Variants in ZNF521 observed in about 807,000 individuals in gnomAD.
The protein encoded by ZNF521 is zinc finger protein 521.
Under a neutral mutation model 105.5 loss-of-function variants are expected in ZNF521, and 14 were observed. The observed-to-expected ratio is 0.13, with a 90% CI of 0.09 to 0.21. The LOEUF is 0.21. Among genes scored for constraint, ZNF521 ranks in the 10% least tolerant of loss-of-function variants. ZNF521 has a pLI of 1.00. For synonymous variants in ZNF521, 635 were observed against 606.0 expected (o/e 1.05, Z -0.70); for missense variants, 1,233 against 1,629.7 (o/e 0.76, Z 4.19).
At chr18:25,116,009 G>T (rs189549519) in intron 5 of ZNF521, among the ~76,000 whole-genome samples, 1 of 152,320 alleles carries the variant, frequency 6.6e-6, no homozygotes, top group Non-Finnish European at 1.5e-5. Flanking sequence ...GTGGTAAAAA[G>T]ACCAAATATT....
rs138163264 is a variant in ZNF521, at chr18:25,114,531, G to T, written c.3659-22450C>A. Among the ~76,000 whole-genome samples, 97 of 152,256 alleles carry T rather than the reference G, an allele frequency of 6.4e-4. No homozygotes were observed. The East Asian group carries it at 0.015, about 23-fold the overall frequency. On this transcript the variant is annotated intron_variant, in intron 5 of 7. Coordinates refer to ENST00000361524, the MANE Select transcript of ZNF521 (RefSeq NM_015461.3). ...GATGATGGAGAGAATAGCATAGTGG[G>T]CAGGATAAATAAGTATTTCACTCAG...
At chr18:25,334,071 AC>A (rs1282214847) in intron 2 of ZNF521, among the ~76,000 whole-genome samples, 3 of 152,078 alleles carry the variant, frequency 2.0e-5, no homozygotes, top group African/African-American at 7.2e-5. Flanking sequence ...ACACTCCAGC[AC>A]CCCCTTGCCA....
intron 7 of ZNF521, among the ~76,000 whole-genome samples, chr18:25,073,229 A>T (rs1034913757): frequency 5.3e-5 from 8 of 152,212 alleles, no homozygotes; most frequent in African/African-American, 1.4e-4. Flanking sequence ...ATTAGCAGCA[A>T]ATAATGGAAG....
At chr18:25,110,442 C>CAAAAAAAAAAAAAAAAAA (rs372395726) in intron 5 of ZNF521, among the ~76,000 whole-genome samples, 1 of 148,884 alleles carries the variant, frequency 6.7e-6, no homozygotes, top group Non-Finnish European at 1.5e-5. Context: ...GGCAGGAGAC[C>CAAAAAAAAAAAAAAAAAA]AAAAAAGAAA....
At chr18:25,267,679 C>G (rs892915674) in intron 3 of ZNF521, among the ~76,000 whole-genome samples, 1 of 152,144 alleles carries the variant, frequency 6.6e-6, no homozygotes, top group Non-Finnish European at 1.5e-5. Flanking sequence ...AGAGCTGCAG[C>G]AGAGGGGCCT....
intron 5 of ZNF521, among the ~76,000 whole-genome samples, chr18:25,182,794 A>G (rs2035655119): frequency 6.6e-6 from 1 of 152,210 alleles, no homozygotes; most frequent in Non-Finnish European, 1.5e-5. Flanking sequence ...TCTAGCAAAC[A>G]GGCTTCTAGA....
chr18:25,225,598 T>C lies in ZNF521; in HGVS notation c.2320A>G (p.Asn774Asp). The change falls in exon 4 of 8, where the codon AAC (asparagine) becomes GAC (aspartate). Residue 774 changes from asparagine to aspartate, a missense_variant. Physicochemically the swap from Asn to Asp is conservative, Grantham distance 23 (BLOSUM62 1). Coordinates refer to ENST00000361524, the MANE Select transcript of ZNF521 (RefSeq NM_015461.3). The surrounding 1 kb of genome is among the most constrained non-coding windows in gnomAD (Gnocchi z 5.6). ...ETDLQLHVKH[N>D]HLENQGKVHK... is the part of the protein sequence containing the mutation. The stretch of plus-strand genomic sequence containing the variant: ...ACTTTCCCTTGGTTTTCCAGGTGGT[T>C]GTGTTTCACATGGAGCTGCAAGTCA... 6.2e-7 allele frequency: 1 copy of C among 1,614,158 alleles called. No homozygotes were observed. The highest frequency in any genetic ancestry group is 8.5e-7 in the Non-Finnish European group (1 of 1,180,020).
intron 3 of ZNF521, among the ~76,000 whole-genome samples, chr18:25,287,051 T>C (rs574476537): frequency 6.6e-6 from 1 of 152,206 alleles, no homozygotes; most frequent in African/African-American, 2.4e-5. Flanking sequence ...CCATTTTTCT[T>C]ATCTAGCTTA....
intron 4 of ZNF521, chr18:25,201,732 C>T (rs748331930): frequency 4.6e-5 from 7 of 152,112 alleles, no homozygotes; most frequent in Non-Finnish European, 1.0e-4. Flanking sequence ...AGTACTCATT[C>T]CAAATATATC....
rs1192271806 is a variant in ZNF521 at position 25,225,160 on chromosome 18, T to G, written c.2758A>C (p.Lys920Gln). ...CCTTTAATGAGCTCAGCTTTCTTTT[T>G]CACGATGGCACTTTCTCCAGGTCTG... is the stretch of plus-strand genomic sequence containing the variant. ...NIRPGESAIV[K>Q]KKAELIKGNY... The change falls in exon 4 of 8, where the codon AAA becomes CAA. Residue 920 changes from lysine (K) to glutamine (Q), a missense_variant. Lys to Gln is a moderately conservative substitution (Grantham distance 53). Coordinates refer to ENST00000361524, the MANE Select transcript of ZNF521 (RefSeq NM_015461.3). The surrounding 1 kb of genome is among the most constrained non-coding windows in gnomAD (Gnocchi z 5.6). 6.2e-7 allele frequency: 1 copy of G among 1,614,034 alleles called. No homozygotes were observed. Among genetic ancestry groups the G allele is most frequent in the Non-Finnish European group, 8.5e-7 (1 of 1,180,028 alleles).
chr18:25,120,163 T>G (rs1303683248), intron 5 of ZNF521, among the ~76,000 whole-genome samples: 1 of 152,240 alleles, frequency 6.6e-6, no homozygotes, highest in Admixed American at 6.5e-5. Flanking sequence ...CCAGATCAGA[T>G]GGTTTCATTG....
rs774994617 is a variant in ZNF521 at position 25,227,032 on chromosome 18, G to C, written c.886C>G (p.Leu296Val). 3 of 1,614,152 alleles carry C rather than the reference G, an allele frequency of 1.9e-6. No homozygotes were observed. Among genetic ancestry groups the C allele is most frequent in the South Asian group, 2.2e-5 (2 of 91,074 alleles). ...TGCACCTGCTCCATGTGGTTCATGA[G>C]GGAGGTCTCCTCTACGAAGAGCTCG... is the stretch of plus-strand genomic sequence containing the variant. ...CHELFVEETS[L>V]MNHMEQVHSG... The change falls in exon 4 of 8, where the codon CTC becomes GTC. Residue 296 changes from leucine (L) to valine (V), a missense_variant. Around this residue, in one of 6 missense-constraint regions of ZNF521, gnomAD observed 380 missense variants for 478.0 expected, o/e 0.80. Coordinates refer to ENST00000361524, the MANE Select transcript of ZNF521 (RefSeq NM_015461.3). This position sits in a 1 kb window ranked among gnomAD's most constrained non-coding sequence, Gnocchi z 5.7.
rs2032917362 is a variant in ZNF521, at chr18:25,062,321, A to G, written c.*391T>C. On this transcript the variant is annotated 3_prime_UTR_variant, in exon 8 of 8. Transcript: ENST00000361524. ...TACCTAAAGAGAAATTCTAGGCTTAAGTGTAAAGAAAAGGAAGTCCAACCA... is the reference window on the plus strand; with the variant it reads ...TACCTAAAGAGAAATTCTAGGCTTAGGTGTAAAGAAAAGGAAGTCCAACCA... 3 of 244,106 alleles carry G rather than the reference A, an allele frequency of 1.2e-5. No individual in the cohort carries two copies. The highest frequency in any genetic ancestry group is 2.2e-5 in the African/African-American group (1 of 45,062). 15.1% of individuals were successfully genotyped at this position (244,106 alleles called of 1,614,324 possible).
chr18:25,225,250 T>C lies in ZNF521; in HGVS notation c.2668A>G (p.Ile890Val), dbSNP rs1906034945. 20 of 1,614,144 alleles carry C rather than the reference T, an allele frequency of 1.2e-5. No homozygotes were observed. Among genetic ancestry groups the C allele is most frequent in the Non-Finnish European group, 1.7e-5 (20 of 1,180,030 alleles). Residue 890 changes from isoleucine to valine, a missense_variant, in exon 4 of 8, where the codon ATT (isoleucine) becomes GTT (valine). Around this residue, in one of 6 missense-constraint regions of ZNF521, gnomAD observed 614 missense variants for 751.5 expected, o/e 0.82. Transcript: ENST00000361524. The surrounding 1 kb of genome is among the most constrained non-coding windows in gnomAD (Gnocchi z 5.6). Reference protein sequence around the residue: ...DTSEPMYGCDICGAAYTMETL... With the variant: ...DTSEPMYGCDVCGAAYTMETL... ...TCCATAGTGTAGGCTGCCCCACAAA[T>C]GTCGCAGCCGTACATAGGCTCAGAG...
At chr18:25,200,997 T>C (rs1019820638) in intron 4 of ZNF521, 6 of 151,176 alleles carry the variant, frequency 4.0e-5, no homozygotes, top group Non-Finnish European at 8.8e-5. Flanking sequence ...GTTTGATTCA[T>C]TCACATACTT....
Position 25,158,270 on chromosome 18 carries a change from G to T in ZNF521, c.3658+36890C>A, listed in dbSNP as rs73943980. On this transcript the variant is annotated intron_variant, in intron 5 of 7. Coordinates refer to ENST00000361524, the MANE Select transcript of ZNF521 (RefSeq NM_015461.3). ...TAGTAAGATCATATATATATTTAAA[G>T]TATATATGCATGTGCATGTATATTT... Among the ~76,000 whole-genome samples, 969 of 152,050 alleles carry T rather than the reference G, an allele frequency of 6.4e-3. 9 individuals carry two copies. The highest frequency in any genetic ancestry group is 0.022 in the African/African-American group (931 of 41,528).
intron 3 of ZNF521, among the ~76,000 whole-genome samples, chr18:25,291,836 T>C (rs901488036): frequency 6.6e-6 from 1 of 152,122 alleles, no homozygotes; most frequent in African/African-American, 2.4e-5. Flanking sequence ...CAGAATACAA[T>C]AATCAACACC....
At chr18:25,125,657 A>T (rs148209270) in intron 5 of ZNF521, among the ~76,000 whole-genome samples, 2 of 150,754 alleles carry the variant, frequency 1.3e-5, no homozygotes, top group Admixed American at 6.6e-5. Context: ...GTGTGTATGT[A>T]TGTGTAATGG....
intron 4 of ZNF521, among the ~76,000 whole-genome samples, chr18:25,212,049 T>A (rs920169526): frequency 6.6e-6 from 1 of 152,200 alleles, no homozygotes; most frequent in Admixed American, 6.5e-5. Context: ...GGACTAACAC[T>A]GCATAATCCT....
Sources: allele counts gnomAD v4.1 joint callset (sites outside exome capture counted in the v4.1 genomes callset), GRCh38; gene constraint gnomAD v4.1.1; regional missense constraint gnomAD v4.1.1; non-coding constraint Gnocchi (gnomAD v3.1); transcripts MANE v1.5; gene names NCBI Gene and HGNC (gene_info 2026-07-23, HGNC 2026-07-21).